The following SEC24C variants were observed in gnomAD, a reference collection of about 807,000 sequenced individuals.
SEC24C encodes the protein protein transport protein Sec24C.
SEC24C carries 22 observed loss-of-function variants against 117.0 expected under a neutral mutation model. The observed-to-expected ratio is 0.19, with a 90% CI of 0.13 to 0.27. SEC24C has a LOEUF of 0.27. Ranked by LOEUF, SEC24C falls within the 10% of genes least tolerant of loss-of-function variation. The pLI is 1.00. For synonymous variants in SEC24C, 506 were observed against 529.4 expected (o/e 0.96, Z 0.61); for missense variants, 1,155 against 1,375.1 (o/e 0.84, Z 2.53).
chr10:73,763,407 C>T lies in SEC24C; in HGVS notation c.988-83C>T, dbSNP rs184652438. On this transcript the variant is annotated intron_variant, in intron 6 of 22. Transcript: ENST00000345254. ...CAAATTTTTAGTTTTTGTGTTACAG[C>T]TCTAGCCTTTTTCACTCTTGGCACT... 44 of 911,176 alleles carry T rather than the reference C, an allele frequency of 4.8e-5. 1 individual carries two copies. In the Admixed American group the frequency reaches 6.5e-4, roughly 14 times the overall value. The allele number at this position is 911,176 out of a possible 1,614,324, so 56.4% of individuals were successfully genotyped here.
chr10:73,762,637 A>G (rs928254056), intron 6 of SEC24C, among the ~76,000 whole-genome samples: 1 of 152,250 alleles, frequency 6.6e-6, no homozygotes, highest in African/African-American at 2.4e-5. Context: ...GGTTTGGGAA[A>G]GTGTGGGTGC....
In SEC24C at chr10:73,769,519, G is replaced by T; in HGVS notation, c.2563+34G>T. 6.2e-7 allele frequency: 1 copy of T among 1,614,070 alleles called. No individual in the cohort carries two copies. The highest frequency in any genetic ancestry group is 8.5e-7 in the Non-Finnish European group (1 of 1,179,938). On this transcript the variant is annotated intron_variant, in intron 18 of 22. Transcript: ENST00000345254. This position sits in a 1 kb window ranked among gnomAD's most constrained non-coding sequence, Gnocchi z 4.5. The stretch of plus-strand genomic sequence containing the variant: ...AGAAGCAGGGCAGGGTGGGATTGGG[G>T]CTGAGAGGTCCAGGATGGTGAGTGG...
In SEC24C at chr10:73,771,146, C is replaced by T; in HGVS notation, c.*51C>T. 6.3e-7 allele frequency: 1 copy of T among 1,587,150 alleles called. No individual in the cohort carries two copies. The highest frequency in any genetic ancestry group is 8.6e-7 in the Non-Finnish European group (1 of 1,167,126). ...CCAGGCTAGCTTCCAGAAAGCACCCCAGGATGTCAGAGAAATTGGGACAGT... is the reference window on the plus strand; with the variant it reads ...CCAGGCTAGCTTCCAGAAAGCACCCTAGGATGTCAGAGAAATTGGGACAGT... On this transcript the variant is annotated 3_prime_UTR_variant, in exon 23 of 23. Coordinates refer to ENST00000345254, the MANE Select transcript of SEC24C (RefSeq NM_198597.3).
At chr10:73,761,079 A>C (rs920505386) in intron 6 of SEC24C, among the ~76,000 whole-genome samples, 2 of 152,168 alleles carry the variant, frequency 1.3e-5, no homozygotes, top group Admixed American at 1.3e-4. Flanking sequence ...ACCAAGAGTG[A>C]GCAGCAGCAC....
intron 3 of SEC24C, among the ~76,000 whole-genome samples, chr10:73,759,065 G>T (rs1301360829): frequency 6.6e-6 from 1 of 152,170 alleles, no homozygotes; most frequent in Non-Finnish European, 1.5e-5. Flanking sequence ...GCATGGTGGC[G>T]TGTGACTTTC....
In SEC24C at chr10:73,766,077, C is replaced by T; in HGVS notation, c.1483-9C>T. ...TTCCCCCTCTCCCCAACATTTTCTT[C>T]CTCTGCAGAACAATAAGTTCCCCAG... On this transcript the variant is annotated splice_polypyrimidine_tract_variant and intron_variant, in intron 10 of 22. Transcript: ENST00000345254. 6.2e-7 allele frequency: 1 copy of T among 1,610,736 alleles called. No homozygotes were observed. Among genetic ancestry groups the T allele is most frequent in the South Asian group, 1.1e-5 (1 of 90,754 alleles).
At position 73,760,386 on chromosome 10, in the gene SEC24C, G is replaced by C; in HGVS notation, c.850G>C (p.Gly284Arg). 6.3e-7 allele frequency: 1 copy of C among 1,583,732 alleles called. No individual in the cohort carries two copies. The highest frequency in any genetic ancestry group is 8.6e-7 in the Non-Finnish European group (1 of 1,166,138). The change falls in exon 5 of 23, where the codon GGT (glycine) becomes CGT (arginine). Residue 284 changes from glycine (G) to arginine (R), a missense_variant and splice_region_variant. Physicochemically the swap from Gly to Arg is moderately radical, Grantham distance 125. Coordinates refer to ENST00000345254, the MANE Select transcript of SEC24C (RefSeq NM_198597.3). ...GCCAGGCTATCAGCCCCAACAAAAT[G>C]GTGAGTCTTTCCCAAGGTCTGTCTT... ...QQPGYQPQQN[G>R]SFGPARGPQS...
At chr10:73,746,643 T>A in intron 1 of SEC24C, 162 bp from the exon 2 acceptor site, 1 of 484,484 alleles carries the variant, frequency 2.1e-6, no homozygotes, top group East Asian at 3.4e-5. Flanking sequence ...ATAATCTGAA[T>A]GCTGGCTGGG....
chr10:73,760,031 G>A lies in SEC24C; in HGVS notation c.495G>A (p.Ser165=), dbSNP rs1487434622. The change falls in exon 5 of 23, where the codon TCG becomes TCA. Residue 165 remains serine (S), a synonymous_variant. Transcript: ENST00000345254. ...SSGLGFGPPT[S]LASASGSFPN... is the part of the protein sequence containing the mutation. ...TCTACTTCTCAGGCCCACCAACATCGCTGGCTTCAGCCTCAGGAAGTTTCC... is the reference window on the plus strand; with the variant it reads ...TCTACTTCTCAGGCCCACCAACATCACTGGCTTCAGCCTCAGGAAGTTTCC... 9 of 1,579,616 alleles carry A rather than the reference G, an allele frequency of 5.7e-6. No individual in the cohort carries two copies. The highest frequency in any genetic ancestry group is 6.9e-6 in the Non-Finnish European group (8 of 1,159,240).
At chr10:73,761,257 G>C (rs2132553335) in intron 6 of SEC24C, among the ~76,000 whole-genome samples, 1 of 152,324 alleles carries the variant, frequency 6.6e-6, no homozygotes, top group African/African-American at 2.4e-5. Flanking sequence ...GATGTTAAGA[G>C]AAGGAAAGCC....
chr10:73,759,851 T>C, intron 4 of SEC24C, 57 bp downstream of exon 4: 2 of 1,498,908 alleles, frequency 1.3e-6, no homozygotes, highest in Non-Finnish European at 1.8e-6. Context: ...CATCAGACTC[T>C]GGGGTTATAC....
At chr10:73,766,717 CTG>C (rs756331114) in intron 12 of SEC24C, 41 bp from the exon 13 acceptor site, 1 of 1,560,480 alleles carries the variant, frequency 6.4e-7, no homozygotes, top group Non-Finnish European at 8.8e-7. Flanking sequence ...TATCTGGAAT[CTG>C]TATAGCAATT....
At chr10:73,744,674 G>T (rs1003772528) in intron 1 of SEC24C, among the ~76,000 whole-genome samples, 2 of 152,074 alleles carry the variant, frequency 1.3e-5, no homozygotes, top group African/African-American at 4.8e-5. Context: ...GGTGCAAGAC[G>T]TTTGGTCTCT....
Position 73,769,078 on chromosome 10 carries a change from G to C in SEC24C, c.2350G>C (p.Asp784His). The change falls in exon 17 of 23, where the codon GAT becomes CAT. Residue 784 changes from aspartate to histidine, a missense_variant. Around this residue, in one of 2 missense-constraint regions of SEC24C, gnomAD observed 759 missense variants for 992.3 expected, o/e 0.76. Coordinates refer to ENST00000345254, the MANE Select transcript of SEC24C (RefSeq NM_198597.3). The surrounding 1 kb of genome is among the most constrained non-coding windows in gnomAD (Gnocchi z 4.5). ...NTTDVELAGL[D>H]GDKTVTVEFK... ...GACAGATGTGGAGCTGGCTGGGCTA[G>C]ATGGGGACAAAACAGTGACTGTGGA... 1 of 1,614,262 alleles carries C rather than the reference G, an allele frequency of 6.2e-7. No homozygotes were observed. The highest frequency in any genetic ancestry group is 2.2e-5 in the East Asian group (1 of 44,888).
At position 73,763,611 on chromosome 10, in the gene SEC24C, G is replaced by A. The variant is rs1273027571; in HGVS notation, c.1099+10G>A. The stretch of plus-strand genomic sequence containing the variant: ...CTGGTGAAAGACCAAGGTGAGAATG[G>A]AATTAGCTCCTCCCACAGGGGCTTT... On this transcript the variant is annotated intron_variant, in intron 7 of 22. Coordinates refer to ENST00000345254, the MANE Select transcript of SEC24C (RefSeq NM_198597.3). 4.9e-6 allele frequency: 7 copies of A among 1,423,710 alleles called. No homozygotes were observed. The highest frequency in any genetic ancestry group is 5.8e-6 in the Non-Finnish European group (6 of 1,042,854). 88.2% of individuals were successfully genotyped at this position (1,423,710 alleles called of 1,614,324 possible).
At chr10:73,746,388 G>A (rs951485370) in intron 1 of SEC24C, among the ~76,000 whole-genome samples, 34 of 152,184 alleles carry the variant, frequency 2.2e-4, no homozygotes, top group Admixed American at 1.8e-3. Context: ...GAGGGTACTC[G>A]ATGTTTGCTG....
chr10:73,746,158 CAA>C lies in SEC24C; in HGVS notation c.-28-624_-28-623del, dbSNP rs71021568. 2.6e-3 allele frequency among the ~76,000 whole-genome samples: 245 copies of C among 93,046 alleles called. 1 individual carries two copies. Among genetic ancestry groups the C allele is most frequent in the African/African-American group, 9.2e-3 (201 of 21,950 alleles). 61.0% of individuals were successfully genotyped at this position (93,046 alleles called of 152,430 possible). A position where few individuals can be genotyped will look rare whatever the true frequency, so the allele number is the denominator to read the frequency against. On this transcript the variant is annotated intron_variant, in intron 1 of 22. Coordinates refer to ENST00000345254, the MANE Select transcript of SEC24C (RefSeq NM_198597.3). ...CTGGCAACAGAGTGAGACTCCGTCT[CAA>C]AAAAAAAAAAAAAAAAAAAAAACCT... is the stretch of plus-strand genomic sequence containing the variant.
chr10:73,749,826 G>A (rs1435951618), intron 2 of SEC24C, among the ~76,000 whole-genome samples: 1 of 152,230 alleles, frequency 6.6e-6, no homozygotes, highest in East Asian at 1.9e-4. Flanking sequence ...ACAGGCGTGA[G>A]CCACCACGTC....
intron 6 of SEC24C, among the ~76,000 whole-genome samples, chr10:73,763,147 A>G (rs1416430168): frequency 1.3e-5 from 2 of 151,964 alleles, no homozygotes; most frequent in Non-Finnish European, 2.9e-5. Flanking sequence ...GAATCTAATC[A>G]TGTTTGAAGG....
Sources: allele counts gnomAD v4.1 joint callset (sites outside exome capture counted in the v4.1 genomes callset), GRCh38; gene constraint gnomAD v4.1.1; regional missense constraint gnomAD v4.1.1; non-coding constraint Gnocchi (gnomAD v3.1); transcripts MANE v1.5; gene names NCBI Gene and HGNC (gene_info 2026-07-23, HGNC 2026-07-21).